MTARC2: variants seen among roughly 807,000 people sequenced by gnomAD.
MTARC2 encodes mitochondrial amidoxime reducing component 2, also known as MOCO sulphurase C-terminal domain containing 2.
Under a neutral mutation model 35.6 loss-of-function variants are expected in MTARC2, and 27 were observed. That is an observed-to-expected ratio of 0.76 (90% CI 0.56 to 1.04). The LOEUF (loss-of-function observed/expected upper bound fraction) is 1.04, where lower values mean the gene tolerates loss of function less well. MTARC2 is among the 50% of genes least tolerant of loss of function. MTARC2 has a pLI of 0.00. For missense variants in MTARC2, 412 were observed against 432.5 expected (o/e 0.95, Z 0.42); for synonymous variants, 158 against 167.1 (o/e 0.95, Z 0.42).
intron 1 of MTARC2, among the ~76,000 whole-genome samples, chr1:220,749,435 T>C (rs76363804): frequency 0.2 from 30,160 of 149,102 alleles, 5,719 homozygotes; most frequent in African/African-American, 0.49. Flanking sequence ...TTCTTTTTTT[T>C]TTTTTTTTTT....
At chr1:220,760,613 T>C (rs898467455) in intron 2 of MTARC2, among the ~76,000 whole-genome samples, 4 of 152,214 alleles carry the variant, frequency 2.6e-5, no homozygotes, top group Admixed American at 6.5e-5. Flanking sequence ...CTTTTTAAGT[T>C]CATGAATTAT....
chr1:220,754,566 C>T, intron 1 of MTARC2: 1 of 395,872 alleles, frequency 2.5e-6, no homozygotes, highest in South Asian at 1.9e-5. Context: ...AGCTATTTTA[C>T]TTCTCCCAGG....
chr1:220,774,954 C>T (rs199804485), intron 4 of MTARC2, among the ~76,000 whole-genome samples: 3,605 of 150,150 alleles, frequency 0.024, 107 homozygotes, highest in African/African-American at 0.065. Context: ...CGTGTGTGTG[C>T]GTGTGTGTGT....
At chr1:220,772,012 A>G (rs1671757481) in intron 4 of MTARC2, among the ~76,000 whole-genome samples, 2 of 152,240 alleles carry the variant, frequency 1.3e-5, no homozygotes, top group African/African-American at 4.8e-5. Flanking sequence ...TATTGTAGAA[A>G]TAGTATTAAA....
intron 4 of MTARC2, among the ~76,000 whole-genome samples, chr1:220,765,840 C>A (rs1042759079): frequency 3.9e-5 from 6 of 152,194 alleles, no homozygotes; most frequent in Admixed American, 2.0e-4. Context: ...TCTTGGCTTC[C>A]CAAACTGCTG....
At chr1:220,757,724 C>T (rs772323087) in intron 2 of MTARC2, among the ~76,000 whole-genome samples, 119 of 152,298 alleles carry the variant, frequency 7.8e-4, no homozygotes, top group Non-Finnish European at 9.0e-4. Context: ...GAGGGCTCCA[C>T]CTCATCTAAC....
chr1:220,779,929 A>G, intron 4 of MTARC2, 89 bp from the exon 5 acceptor site: 1 of 973,226 alleles, frequency 1.0e-6, no homozygotes, highest in Admixed American at 3.1e-5. Context: ...CTGCTATAAT[A>G]GTTTCATACT....
chr1:220,761,696 A>C lies in MTARC2; in HGVS notation c.485A>C (p.Asn162Thr), dbSNP rs746143693. 1.1e-5 allele frequency: 17 copies of C among 1,613,946 alleles called. No individual in the cohort carries two copies. In the East Asian group the frequency reaches 3.8e-4, roughly 36 times the overall value. ...GLDIKGRDCG[N>T]EAAKWFTNFL... ...GACATTAAAGGCAGAGACTGTGGCA[A>C]TGAGGCAGCTAAGTGGTTCACCAAC... The change falls in exon 3 of 8, where the codon AAT becomes ACT. Residue 162 changes from asparagine (N) to threonine (T), a missense_variant. Physicochemically the swap from Asn to Thr is moderately conservative, Grantham distance 65. Transcript: ENST00000366913.
At chr1:220,773,246 T>C (rs56936567) in intron 4 of MTARC2, among the ~76,000 whole-genome samples, 2 of 152,100 alleles carry the variant, frequency 1.3e-5, no homozygotes, top group African/African-American at 4.8e-5. Context: ...TTACATGAAA[T>C]GAAACCTCCA....
rs775980613 is a variant in MTARC2, at chr1:220,748,774, G to A, written c.243G>A (p.Met81Ile). The change falls in exon 1 of 8, where the codon ATG becomes ATA. Residue 81 changes from methionine to isoleucine, a missense_variant. Transcript: ENST00000366913. ...TGAGCGAGGCTGAGTGCACGGCCAT[G>A]GGGCTGCGCAGCGGCAACCTGCGGG... is the stretch of plus-strand genomic sequence containing the variant. The part of the protein sequence containing the change: ...VPVSEAECTA[M>I]GLRSGNLRDR... 7 of 1,597,696 alleles carry A rather than the reference G, an allele frequency of 4.4e-6. No individual in the cohort carries two copies. Among genetic ancestry groups the A allele is most frequent in the African/African-American group, 2.7e-5 (2 of 74,164 alleles).
chr1:220,760,415 G>A (rs1010850960), intron 2 of MTARC2, among the ~76,000 whole-genome samples: 2 of 152,122 alleles, frequency 1.3e-5, no homozygotes, highest in Admixed American at 6.6e-5. Context: ...GAGATTCAAG[G>A]AATAAGTGAA....
chr1:220,777,953 A>G (rs188626687), intron 4 of MTARC2, among the ~76,000 whole-genome samples: 1 of 152,280 alleles, frequency 6.6e-6, no homozygotes, highest in East Asian at 1.9e-4. Context: ...TAAAGAAAAG[A>G]GGTTTAGGCT....
Position 220,781,917 on chromosome 1 carries a change from C to T in MTARC2, c.*16C>T, listed in dbSNP as rs759433026. Reference sequence around the variant, plus strand: ...GATGGTGTAGTGATGAGTGATGGATCCACTAGGGTGATATGGTAAAGGGTC... The same window carrying T: ...GATGGTGTAGTGATGAGTGATGGATTCACTAGGGTGATATGGTAAAGGGTC... On this transcript the variant is annotated 3_prime_UTR_variant, in exon 7 of 8. Coordinates refer to ENST00000366913, the MANE Select transcript of MTARC2 (RefSeq NM_017898.5). 1.2e-6 allele frequency: 2 copies of T among 1,612,836 alleles called. No individual in the cohort carries two copies. The highest frequency in any genetic ancestry group is 1.7e-6 in the Non-Finnish European group (2 of 1,179,262).
intron 4 of MTARC2, among the ~76,000 whole-genome samples, chr1:220,767,212 C>A (rs1316469267): frequency 6.6e-6 from 1 of 152,094 alleles, no homozygotes; most frequent in African/African-American, 2.4e-5. Context: ...AATTAGGAAG[C>A]CCAGTAGTTA....
chr1:220,756,739 T>C (rs2102546306), intron 2 of MTARC2, among the ~76,000 whole-genome samples: 1 of 152,316 alleles, frequency 6.6e-6, no homozygotes, highest in East Asian at 1.9e-4. Context: ...AGACTCACTG[T>C]GTTGCCAACA....
At chr1:220,756,998 G>A (rs1420015930) in intron 2 of MTARC2, among the ~76,000 whole-genome samples, 1 of 152,248 alleles carries the variant, frequency 6.6e-6, no homozygotes, top group Admixed American at 6.5e-5. Context: ...CACCTCCCAG[G>A]TTCAAGCGAT....
intron 4 of MTARC2, among the ~76,000 whole-genome samples, chr1:220,769,340 G>T (rs1671670909): frequency 6.6e-6 from 1 of 152,234 alleles, no homozygotes; most frequent in African/African-American, 2.4e-5. Context: ...CGCAGCTAGG[G>T]CGGCCAGCGG....
intron 6 of MTARC2, 73 bp downstream of exon 6, chr1:220,780,312 A>G: frequency 7.5e-7 from 1 of 1,333,662 alleles, no homozygotes; most frequent in Non-Finnish European, 1.0e-6. Context: ...TTTAGGTGCT[A>G]TGTCTGCTTT....
chr1:220,777,808 AG>A (rs1558075682), intron 4 of MTARC2, among the ~76,000 whole-genome samples: 1 of 152,186 alleles, frequency 6.6e-6, no homozygotes, highest in Non-Finnish European at 1.5e-5. Flanking sequence ...TCCCGTGTGC[AG>A]ATGCTTCTTG....
Sources: gnomAD v4.1 joint callset for allele counts (sites outside exome capture counted in the v4.1 genomes callset) on GRCh38, gnomAD v4.1.1 for gene constraint, MANE v1.5 for transcripts, NCBI Gene and HGNC (gene_info 2026-07-23, HGNC 2026-07-21) for gene names.